Variants in ICA1L observed in about 807,000 individuals in gnomAD.
The protein encoded by ICA1L is islet cell autoantigen 1-like protein.
Under a neutral mutation model 61.3 loss-of-function variants are expected in ICA1L, and 50 were observed. The observed-to-expected ratio is 0.82, with a 90% confidence interval of 0.65 to 1.03. The LOEUF is 1.03. Ranked by LOEUF, ICA1L falls within the 50% of genes least tolerant of loss-of-function variation. The probability of loss-of-function intolerance (pLI) is 0.00; values close to 1 mark genes in which losing one functional copy is unlikely to be tolerated. For synonymous variants in ICA1L, 161 were observed against 191.3 expected, an observed-to-expected ratio of 0.84 and a Z score of 1.31; for missense variants, 508 against 556.7, an observed-to-expected ratio of 0.91 and a Z score of 0.88.
chr2:202,861,832 C>A (rs1015632497), intron 1 of ICA1L, among the ~76,000 whole-genome samples: 5 of 136,506 alleles, frequency 3.7e-5, no homozygotes, highest in African/African-American at 1.4e-4. Context: ...GTGAGTAAGC[C>A]GAGATCATGC....
intron 1 of ICA1L, among the ~76,000 whole-genome samples, chr2:202,851,514 TG>T (rs1176580613): frequency 1.3e-5 from 2 of 152,256 alleles, no homozygotes; most frequent in African/African-American, 4.8e-5. Context: ...TATAATCCTT[TG>T]GGTATATACC....
At chr2:202,796,746 A>G in intron 10 of ICA1L, 144 bp downstream of exon 10, 1 of 528,140 alleles carries the variant, frequency 1.9e-6, no homozygotes, top group Non-Finnish European at 3.3e-6. Context: ...TTTAATTTCC[A>G]TTGTGATGTG....
intron 11 of ICA1L, among the ~76,000 whole-genome samples, chr2:202,787,985 C>T (rs1692639001): frequency 6.6e-6 from 1 of 152,170 alleles, no homozygotes; most frequent in Admixed American, 6.5e-5. Flanking sequence ...GAAGAAGCAA[C>T]ACAAGCACAG....
chr2:202,861,387 C>T (rs897039812), intron 1 of ICA1L, among the ~76,000 whole-genome samples: 13 of 95,282 alleles, frequency 1.4e-4, no homozygotes, highest in African/African-American at 4.3e-4. Flanking sequence ...CCTGGGTACA[C>T]GGCGAGACTA....
At chr2:202,838,106 G>C (rs1297526979) in intron 1 of ICA1L, among the ~76,000 whole-genome samples, 1 of 151,882 alleles carries the variant, frequency 6.6e-6, no homozygotes, top group Non-Finnish European at 1.5e-5. Flanking sequence ...CACCCACCTC[G>C]GCCTCCCAAA....
intron 12 of ICA1L, among the ~76,000 whole-genome samples, chr2:202,782,634 C>T (rs995250475): frequency 6.6e-6 from 1 of 152,026 alleles, no homozygotes; most frequent in Non-Finnish European, 1.5e-5. Flanking sequence ...GTCTTGAACT[C>T]CTGACCTCGT....
chr2:202,817,582 TATAA>T (rs764576815), intron 5 of ICA1L, 39 bp from the exon 6 acceptor site: 4 of 1,206,942 alleles, frequency 3.3e-6, no homozygotes, highest in Middle Eastern at 2.5e-4. Flanking sequence ...AGATATATAC[TATAA>T]ATATAGTATG....
At chr2:202,845,488 G>C (rs1216733686) in intron 1 of ICA1L, among the ~76,000 whole-genome samples, 1 of 151,978 alleles carries the variant, frequency 6.6e-6, no homozygotes, top group African/African-American at 2.4e-5. Context: ...TAAGCTGGGC[G>C]TGGTGGCAGG....
At chr2:202,859,216 C>T (rs1021675567) in intron 1 of ICA1L, among the ~76,000 whole-genome samples, 8 of 152,250 alleles carry the variant, frequency 5.3e-5, no homozygotes, top group African/African-American at 1.7e-4. Context: ...CTAAAGAATA[C>T]ATTTTATAAA....
chr2:202,782,751 AGTT>A (rs1692454113), intron 12 of ICA1L, among the ~76,000 whole-genome samples: 1 of 151,792 alleles, frequency 6.6e-6, no homozygotes, highest in Non-Finnish European at 1.5e-5. Flanking sequence ...CTTGGTGAGA[AGTT>A]TTTTTTTTCC....
At chr2:202,843,356 G>A (rs1193575032) in intron 1 of ICA1L, among the ~76,000 whole-genome samples, 4 of 152,196 alleles carry the variant, frequency 2.6e-5, no homozygotes, top group Non-Finnish European at 4.4e-5. Flanking sequence ...GTGCAGCTCT[G>A]TCTGCTGAGA....
At chr2:202,821,992 G>A (rs766853885) in intron 3 of ICA1L, among the ~76,000 whole-genome samples, 3 of 152,158 alleles carry the variant, frequency 2.0e-5, no homozygotes, top group Non-Finnish European at 4.4e-5. Flanking sequence ...GCTATTCAAA[G>A]TGTAGGCCAT....
intron 1 of ICA1L, among the ~76,000 whole-genome samples, chr2:202,850,184 A>T (rs139927909): frequency 1.1e-3 from 162 of 152,322 alleles, no homozygotes; most frequent in Non-Finnish European, 1.6e-3. Flanking sequence ...CACCAAGATG[A>T]GGAAAAAACA....
intron 1 of ICA1L, among the ~76,000 whole-genome samples, chr2:202,861,649 G>A (rs1204348545): frequency 2.0e-5 from 3 of 151,554 alleles, no homozygotes; most frequent in Non-Finnish European, 3.0e-5. Context: ...AACTTTGGGA[G>A]GCTGAGGCGG....
At chr2:202,870,554 G>T (rs562164050) in intron 1 of ICA1L, 7 of 152,322 alleles carry the variant, frequency 4.6e-5, no homozygotes, top group African/African-American at 1.7e-4. Context: ...TACTCGGCCA[G>T]TAAATGTATA....
intron 11 of ICA1L, among the ~76,000 whole-genome samples, chr2:202,787,751 A>G (rs1323508125): frequency 6.6e-6 from 1 of 152,224 alleles, no homozygotes; most frequent in Non-Finnish European, 1.5e-5. Flanking sequence ...CCCCCCGTCC[A>G]GGGGTTAAAA....
rs367737471 is a variant in ICA1L at position 202,779,504 on chromosome 2, A to G, written c.*29T>C. Reference sequence around the variant, plus strand: ...AATACGTTGCAAAATTGATGTCTCAAGGCCACTGAAGTGACATTATAACTT... The same window carrying G: ...AATACGTTGCAAAATTGATGTCTCAGGGCCACTGAAGTGACATTATAACTT... On this transcript the variant is annotated 3_prime_UTR_variant, in exon 13 of 13. Transcript: ENST00000358299. 26 of 1,357,344 alleles carry G rather than the reference A, an allele frequency of 1.9e-5. No homozygotes were observed. Among genetic ancestry groups the G allele is most frequent in the African/African-American group, 5.8e-5 (4 of 69,368 alleles). 84.1% of individuals were successfully genotyped at this position (1,357,344 alleles called of 1,614,324 possible). A position where few individuals can be genotyped will look rare whatever the true frequency, so the allele number is the denominator to read the frequency against.
intron 1 of ICA1L, chr2:202,871,255 T>A (rs1687702396): frequency 6.6e-6 from 1 of 151,928 alleles, no homozygotes; most frequent in Non-Finnish European, 1.5e-5. Flanking sequence ...CCGAGGGAAA[T>A]CACCCAAACG....
intron 1 of ICA1L, among the ~76,000 whole-genome samples, chr2:202,865,426 A>C (rs1289814096): frequency 1.3e-5 from 2 of 151,574 alleles, no homozygotes; most frequent in African/African-American, 4.8e-5. Flanking sequence ...CCGAGAGTGC[A>C]CCACTGTACT....
Sources: allele counts gnomAD v4.1 joint callset (sites outside exome capture counted in the v4.1 genomes callset), GRCh38; gene constraint gnomAD v4.1.1; transcripts MANE v1.5; gene names NCBI Gene and HGNC (gene_info 2026-07-23, HGNC 2026-07-21).